TAF4B: variants seen among roughly 807,000 people sequenced by gnomAD.
TAF4B encodes the protein transcription initiation factor TFIID subunit 4B.
In TAF4B, 38 loss-of-function variants were observed where a neutral mutation model predicts 86.4. The ratio of observed to expected loss-of-function variants is 0.44; its 90% CI spans 0.34 to 0.58. The LOEUF is 0.58. TAF4B is among the 20% of genes least tolerant of loss of function. The probability of loss-of-function intolerance (pLI) is 0.02; values close to 1 mark genes in which losing one functional copy is unlikely to be tolerated. For synonymous variants in TAF4B, 388 were observed against 391.2 expected (o/e 0.99, Z 0.10); for missense variants, 988 against 1,027.6 (o/e 0.96, Z 0.53).
rs1555679571 is a variant in TAF4B, at chr18:26,300,307, T to TTTTTTATTATTA, written c.1832+6778_1832+6779insTTTATTATTATT. On this transcript the variant is annotated intron_variant, in intron 9 of 14. Coordinates refer to ENST00000269142, the MANE Select transcript of TAF4B (RefSeq NM_005640.3). Reference sequence around the variant, plus strand: ...CCTGGCTTGTTTTCTAATGTAGGCATTTATTATTATTATTATTATTATTAT... The same window carrying TTTTTTATTATTA: ...CCTGGCTTGTTTTCTAATGTAGGCATTTTTTATTATTATTATTATTATTATTATTATTATTAT... 6.3e-3 allele frequency among the ~76,000 whole-genome samples: 923 copies of TTTTTTATTATTA among 145,390 alleles called. 5 individuals are homozygous for TTTTTTATTATTA. The highest frequency in any genetic ancestry group is 0.025 in the Middle Eastern group (7 of 276).
At chr18:26,255,319 G>GAAATC (rs1411948288) in intron 1 of TAF4B, among the ~76,000 whole-genome samples, 1 of 151,976 alleles carries the variant, frequency 6.6e-6, no homozygotes, top group African/African-American at 2.4e-5. Context: ...GGGACTGGGG[G>GAAATC]AAATCAACCC....
At chr18:26,337,424 CTT>C (rs551888808) in intron 13 of TAF4B, among the ~76,000 whole-genome samples, 8 of 126,120 alleles carry the variant, frequency 6.3e-5, no homozygotes, top group Non-Finnish European at 9.8e-5. Flanking sequence ...TTCTTTCTTT[CTT>C]TTTTTTTTTT....
intron 1 of TAF4B, among the ~76,000 whole-genome samples, chr18:26,259,951 T>C (rs2056140628): frequency 6.6e-6 from 1 of 152,202 alleles, no homozygotes; most frequent in African/African-American, 2.4e-5. Flanking sequence ...ACCTGTTGTT[T>C]CCTGACTTTT....
At chr18:26,384,046 G>GT (rs1317756966) in intron 14 of TAF4B, among the ~76,000 whole-genome samples, 15 of 152,044 alleles carry the variant, frequency 9.9e-5, no homozygotes, top group African/African-American at 2.2e-4. Context: ...AAGATGTTCA[G>GT]TTTTTTTTCT....
chr18:26,304,971 A>G, intron 9 of TAF4B: 2 of 697,552 alleles, frequency 2.9e-6, no homozygotes, highest in Non-Finnish European at 3.5e-6. Context: ...GACAGTAGTA[A>G]TTCTTTGATA....
At chr18:26,281,071 A>T (rs2056443060) in intron 5 of TAF4B, among the ~76,000 whole-genome samples, 1 of 152,194 alleles carries the variant, frequency 6.6e-6, no homozygotes, top group South Asian at 2.1e-4. Flanking sequence ...GTTCTCACTT[A>T]CAAGTGGGAG....
At chr18:26,365,433 C>G (rs1244707286) in intron 14 of TAF4B, among the ~76,000 whole-genome samples, 1 of 152,178 alleles carries the variant, frequency 6.6e-6, no homozygotes, top group Admixed American at 6.5e-5. Context: ...GCAGAAGCTT[C>G]CGGCTTGTAG....
chr18:26,296,386 T>C (rs1176105996), intron 9 of TAF4B, among the ~76,000 whole-genome samples: 1 of 152,154 alleles, frequency 6.6e-6, no homozygotes, highest in Admixed American at 6.5e-5. Flanking sequence ...ACTTGGGATG[T>C]ATTTAGTCTT....
chr18:26,383,803 A>T (rs1978306224), intron 14 of TAF4B, among the ~76,000 whole-genome samples: 1 of 152,174 alleles, frequency 6.6e-6, no homozygotes. Flanking sequence ...TGTATTCTGA[A>T]ATAACTAGAA....
At chr18:26,266,493 G>A (rs2056241372) in intron 2 of TAF4B, among the ~76,000 whole-genome samples, 1 of 152,120 alleles carries the variant, frequency 6.6e-6, no homozygotes, top group African/African-American at 2.4e-5. Flanking sequence ...ACTTGGCATT[G>A]TTAGAATGAC....
chr18:26,345,926 C>G (rs1205826479), intron 13 of TAF4B, among the ~76,000 whole-genome samples: 1 of 152,126 alleles, frequency 6.6e-6, no homozygotes, highest in African/African-American at 2.4e-5. Context: ...TCAGTGAAAT[C>G]AGGAAAACAA....
In TAF4B at chr18:26,286,447, C is replaced by T. The variant is rs776291240; in HGVS notation, c.1538C>T (p.Pro513Leu). Residue 513 changes from proline to leucine, a missense_variant, in exon 7 of 15, where the codon CCT becomes CTT. This residue lies in a region of TAF4B where 747 missense variants were observed against 737.9 expected (regional missense o/e 1.01). Coordinates refer to ENST00000269142, the MANE Select transcript of TAF4B (RefSeq NM_005640.3). Reference sequence around the variant, plus strand: ...CAAATCAAACTTGCCCAGCCGGGCCCTGTCCTTTCACAACCAGCTGGGATT... The same window carrying T: ...CAAATCAAACTTGCCCAGCCGGGCCTTGTCCTTTCACAACCAGCTGGGATT... ...PVQIKLAQPG[P>L]VLSQPAGIPQ... is the part of the protein sequence containing the mutation. 6.2e-7 allele frequency: 1 copy of T among 1,613,902 alleles called. No individual in the cohort carries two copies. Among genetic ancestry groups the T allele is most frequent in the Non-Finnish European group, 8.5e-7 (1 of 1,180,004 alleles).
chr18:26,349,316 C>T (rs781656917), intron 13 of TAF4B, among the ~76,000 whole-genome samples: 13 of 151,982 alleles, frequency 8.6e-5, no homozygotes, highest in Non-Finnish European at 1.3e-4. Flanking sequence ...TCAAAGGATT[C>T]TTATTGACTA....
chr18:26,375,788 T>C (rs915457686), intron 14 of TAF4B, among the ~76,000 whole-genome samples: 1 of 152,158 alleles, frequency 6.6e-6, no homozygotes, highest in African/African-American at 2.4e-5. Context: ...CATTACTTAA[T>C]CCAGTGTCAC....
rs117690761 is a variant in TAF4B, at chr18:26,237,182, T to A, written c.343+9906T>A. Among the ~76,000 whole-genome samples, 84 of 152,308 alleles carry A rather than the reference T, an allele frequency of 5.5e-4. No homozygotes were observed. In the East Asian group the frequency reaches 0.012, roughly 22 times the overall value. On this transcript the variant is annotated intron_variant, in intron 1 of 14. Transcript: ENST00000269142. ...TAGTGAATTTATCCCTTTCTTTGGCTGTTATTCTGTCATTTACTTGACTAA... is the reference window on the plus strand; with the variant it reads ...TAGTGAATTTATCCCTTTCTTTGGCAGTTATTCTGTCATTTACTTGACTAA...
At chr18:26,236,978 A>C (rs2055758970) in intron 1 of TAF4B, among the ~76,000 whole-genome samples, 2 of 152,198 alleles carry the variant, frequency 1.3e-5, no homozygotes, top group African/African-American at 4.8e-5. Flanking sequence ...GGAGCAAGGC[A>C]GTAAGATTTT....
chr18:26,308,923 C>T (rs2056825537), intron 9 of TAF4B, among the ~76,000 whole-genome samples: 1 of 139,624 alleles, frequency 7.2e-6, no homozygotes, highest in African/African-American at 2.6e-5. Flanking sequence ...GAACTGAGAA[C>T]ATGAATATAG....
intron 9 of TAF4B, among the ~76,000 whole-genome samples, chr18:26,299,562 C>T (rs1199293727): frequency 6.6e-6 from 1 of 151,860 alleles, no homozygotes; most frequent in Non-Finnish European, 1.5e-5. Flanking sequence ...TAGTCTTCCC[C>T]CCCTCCTTTG....
intron 1 of TAF4B, among the ~76,000 whole-genome samples, chr18:26,243,564 G>A (rs765341791): frequency 7.2e-5 from 11 of 152,180 alleles, no homozygotes; most frequent in Non-Finnish European, 1.3e-4. Flanking sequence ...ATTACTGGTC[G>A]TCTGAAGCCT....
Sources: allele counts gnomAD v4.1 joint callset (sites outside exome capture counted in the v4.1 genomes callset), GRCh38; gene constraint gnomAD v4.1.1; regional missense constraint gnomAD v4.1.1; transcripts MANE v1.5; gene names NCBI Gene and HGNC (gene_info 2026-07-23, HGNC 2026-07-21).